The following SYN3 variants were observed in gnomAD, a reference collection of about 807,000 sequenced individuals.
SYN3 encodes synapsin-3.
A neutral mutation model predicts 65.8 loss-of-function variants in SYN3; 35 were observed. The observed-to-expected ratio is 0.53, with a 90% CI of 0.41 to 0.70. SYN3 has a LOEUF of 0.70. SYN3 is among the 30% of genes least tolerant of loss of function. The probability of loss-of-function intolerance (pLI) is 0.00; values close to 1 mark genes in which losing one functional copy is unlikely to be tolerated. For synonymous variants in SYN3, 270 were observed against 292.9 expected (o/e 0.92, Z 0.80); for missense variants, 680 against 749.0 (o/e 0.91, Z 1.08).
At chr22:32,583,907 TTTTG>T (rs2058985783) in intron 7 of SYN3, 1 of 151,222 alleles carries the variant, frequency 6.6e-6, no homozygotes, top group African/African-American at 2.4e-5. Context: ...CTCATAAGGC[TTTTG>T]TTTAAGAATT....
chr22:33,002,508 G>C (rs1390821623), intron 2 of SYN3, among the ~76,000 whole-genome samples: 1 of 152,094 alleles, frequency 6.6e-6, no homozygotes, highest in East Asian at 1.9e-4. Flanking sequence ...CCCGGGCGTG[G>C]TGGCGCCTGC....
At chr22:32,848,249 T>C (rs2048124816) in intron 6 of SYN3, among the ~76,000 whole-genome samples, 2 of 152,264 alleles carry the variant, frequency 1.3e-5, no homozygotes, top group African/African-American at 4.8e-5. Context: ...TAATTACTTT[T>C]GTATTCATAG....
chr22:32,658,060 T>C (rs1377963623), intron 6 of SYN3, among the ~76,000 whole-genome samples: 1 of 152,106 alleles, frequency 6.6e-6, no homozygotes, highest in African/African-American at 2.4e-5. Context: ...GGGATGGATT[T>C]GAGGACGTTA....
At chr22:32,899,447 T>C (rs1323338108) in intron 4 of SYN3, among the ~76,000 whole-genome samples, 1 of 152,128 alleles carries the variant, frequency 6.6e-6, no homozygotes, top group Non-Finnish European at 1.5e-5. Context: ...GTTAATCAAG[T>C]GAGACTTTCA....
chr22:32,802,254 A>G, intron 6 of SYN3: 1 of 1,350,410 alleles, frequency 7.4e-7, no homozygotes, highest in East Asian at 2.7e-5. Context: ...GGCGGAGTGG[A>G]GAAACTCGAT....
At chr22:32,804,398 G>A (rs991410784) in intron 6 of SYN3, among the ~76,000 whole-genome samples, 10 of 152,062 alleles carry the variant, frequency 6.6e-5, no homozygotes, top group African/African-American at 1.2e-4. Context: ...GTCTATTCTC[G>A]CCCTCAAACA....
chr22:32,954,740 G>A (rs2146846773), intron 3 of SYN3, among the ~76,000 whole-genome samples: 1 of 152,296 alleles, frequency 6.6e-6, no homozygotes, highest in East Asian at 1.9e-4. Flanking sequence ...GTAAGAAGAT[G>A]CTGCTGGAGC....
chr22:32,744,804 G>A (rs1434583093), intron 6 of SYN3, among the ~76,000 whole-genome samples: 2 of 152,306 alleles, frequency 1.3e-5, no homozygotes. Context: ...TGGTGTGGGC[G>A]ATTGCCCACG....
chr22:32,866,455 A>G (rs2048691560), intron 5 of SYN3, among the ~76,000 whole-genome samples: 1 of 152,200 alleles, frequency 6.6e-6, no homozygotes, highest in African/African-American at 2.4e-5. Flanking sequence ...AGGGAGAGTG[A>G]TTCCGCAGGT....
At chr22:32,955,909 T>G (rs1241354171) in intron 3 of SYN3, among the ~76,000 whole-genome samples, 1 of 151,952 alleles carries the variant, frequency 6.6e-6, no homozygotes, top group Non-Finnish European at 1.5e-5. Context: ...TGGTGGATGC[T>G]TCCTGCCCTC....
chr22:32,794,341 T>C (rs1307924845), intron 6 of SYN3, among the ~76,000 whole-genome samples: 1 of 152,136 alleles, frequency 6.6e-6, no homozygotes, highest in African/African-American at 2.4e-5. Flanking sequence ...TATGTGACAA[T>C]GAAATACCTC....
At chr22:32,688,815 G>A (rs920760562) in intron 6 of SYN3, among the ~76,000 whole-genome samples, 53 of 152,062 alleles carry the variant, frequency 3.5e-4, no homozygotes, top group African/African-American at 1.3e-3. Flanking sequence ...TTCGGTGCTG[G>A]TGGTTGTCCT....
At chr22:32,627,624 G>A (rs1244974918) in intron 6 of SYN3, among the ~76,000 whole-genome samples, 3 of 152,080 alleles carry the variant, frequency 2.0e-5, no homozygotes, top group South Asian at 2.1e-4. Flanking sequence ...ATACACACAT[G>A]TAGGAGTATG....
intron 9 of SYN3, among the ~76,000 whole-genome samples, chr22:32,535,012 T>A (rs149415128): frequency 1.8e-3 from 277 of 152,220 alleles, no homozygotes; most frequent in African/African-American, 5.2e-3. Flanking sequence ...GCTCCTGGTA[T>A]GTTCCAGGCA....
chr22:32,574,576 G>GTT (rs2058825870), intron 7 of SYN3, among the ~76,000 whole-genome samples: 1 of 152,228 alleles, frequency 6.6e-6, no homozygotes, highest in South Asian at 2.1e-4. Flanking sequence ...GGCTAATGTG[G>GTT]TTTAGCCTTG....
At chr22:32,646,815 C>T (rs2059990441) in intron 6 of SYN3, among the ~76,000 whole-genome samples, 1 of 152,190 alleles carries the variant, frequency 6.6e-6, no homozygotes, top group Non-Finnish European at 1.5e-5. Flanking sequence ...TAGCAAATGG[C>T]AAGGCCCCCT....
chr22:32,631,309 CAA>C (rs10606436), intron 6 of SYN3, among the ~76,000 whole-genome samples: 26,726 of 133,830 alleles, frequency 0.2, 3,167 homozygotes, highest in African/African-American at 0.36. Context: ...ACGAAACAAG[CAA>C]AAAAAAAAAA....
At chr22:32,539,707 A>G (rs2058222339) in intron 8 of SYN3, among the ~76,000 whole-genome samples, 1 of 152,176 alleles carries the variant, frequency 6.6e-6, no homozygotes, top group East Asian at 1.9e-4. Flanking sequence ...CCCAAGGTCC[A>G]GGAAACTCGG....
intron 1 of SYN3, among the ~76,000 whole-genome samples, chr22:33,032,442 T>G (rs1601936762): frequency 6.6e-6 from 1 of 151,796 alleles, no homozygotes; most frequent in South Asian, 2.1e-4. Flanking sequence ...GAGACGAAGG[T>G]TGCAATAAGC....
Sources: allele counts gnomAD v4.1 joint callset (sites outside exome capture counted in the v4.1 genomes callset), GRCh38; gene constraint gnomAD v4.1.1; transcripts MANE v1.5; gene names NCBI Gene and HGNC (gene_info 2026-07-23, HGNC 2026-07-21).